MID1: variants seen among roughly 807,000 people sequenced by gnomAD.
MID1 encodes the protein E3 ubiquitin-protein ligase Midline-1.
A neutral mutation model predicts 40.4 loss-of-function variants in MID1; 7 were observed. The observed-to-expected ratio is 0.17, with a 90% confidence interval of 0.10 to 0.33. The LOEUF (loss-of-function observed/expected upper bound fraction) is 0.33, where lower values mean the gene tolerates loss of function less well. Among genes scored for constraint, MID1 ranks in the 10% least tolerant of loss-of-function variants. The pLI is 1.00. For missense variants in MID1, 367 were observed against 558.5 expected (o/e 0.66, Z 3.46); for synonymous variants, 229 against 221.2 (o/e 1.04, Z -0.31).
intron 1 of MID1, among the ~76,000 whole-genome samples, chrX:10,770,695 G>A (rs2043760196): frequency 8.9e-6 from 1 of 112,226 alleles, no homozygotes; most frequent in Non-Finnish European, 1.9e-5. Context: ...TGTTCCTTAT[G>A]AGGGAAATTA....
chrX:10,799,181 G>T (rs1471764313), intron 1 of MID1, among the ~76,000 whole-genome samples: 2 of 111,465 alleles, frequency 1.8e-5, no homozygotes, highest in African/African-American at 6.5e-5. Context: ...AATATTACTG[G>T]TACGTGGCTG....
At chrX:10,515,628 G>T (rs1330361601) in intron 3 of MID1, among the ~76,000 whole-genome samples, 1 of 112,517 alleles carries the variant, frequency 8.9e-6, no homozygotes, top group African/African-American at 3.2e-5. Context: ...TTGAAGTGAT[G>T]TTGGATTAGA....
intron 3 of MID1, among the ~76,000 whole-genome samples, chrX:10,522,737 C>A (rs943341825): frequency 8.9e-6 from 1 of 111,750 alleles, no homozygotes; most frequent in Non-Finnish European, 1.9e-5. Flanking sequence ...ACCTCGTGAT[C>A]TGCCTGCCTC....
At chrX:10,473,691 A>G in intron 6 of MID1, among the ~76,000 whole-genome samples, 1 of 112,547 alleles carries the variant, frequency 8.9e-6, no homozygotes, top group African/African-American at 3.2e-5. Context: ...TGAAGGCTGT[A>G]TGTCTTAAGT....
intron 1 of MID1, among the ~76,000 whole-genome samples, chrX:10,684,515 T>C (rs1188245513): frequency 2.8e-5 from 3 of 108,670 alleles, no homozygotes; most frequent in East Asian, 2.9e-4. Context: ...GTGATTCTCC[T>C]GCCTCAGCCT....
chrX:10,756,549 C>T (rs1430772946), intron 1 of MID1, among the ~76,000 whole-genome samples: 1 of 112,089 alleles, frequency 8.9e-6, no homozygotes, highest in Non-Finnish European at 1.9e-5. Context: ...CCTCACTTCA[C>T]AGACATTCCT....
At chrX:10,584,020 G>T (rs994581832) in intron 1 of MID1, among the ~76,000 whole-genome samples, 3 of 107,071 alleles carry the variant, frequency 2.8e-5, no homozygotes, top group Non-Finnish European at 5.8e-5. Flanking sequence ...GACAGACTGA[G>T]ACTCCATCTA....
Position 10,449,192 on chromosome X carries a change from TAATAC to T in MID1, c.*171_*175del, listed in dbSNP as rs1340467255. ...TAAAGAAATTATTAAAGCCCGTACT[TAATAC>T]AAGACACAGTAAAAGGAGAGGAATC... is the stretch of plus-strand genomic sequence containing the variant. On this transcript the variant is annotated 3_prime_UTR_variant, in exon 10 of 10. Transcript: ENST00000317552. 2 of 416,137 alleles carry T rather than the reference TAATAC, an allele frequency of 4.8e-6. No individual in the cohort carries two copies. Among genetic ancestry groups the T allele is most frequent in the African/African-American group, 5.0e-5 (2 of 40,336 alleles). 34.3% of individuals were successfully genotyped at this position (416,137 alleles called of 1,213,427 possible).
At position 10,469,825 on chromosome X, in the gene MID1, G is replaced by A. The variant is rs1265184704; in HGVS notation, c.1157C>T (p.Thr386Ile). The A allele has an allele frequency of 8.3e-7, 1 of 1,209,235 alleles. No homozygotes were observed. Reference sequence around the variant, plus strand: ...AGCTGTGCAGAGCTCTTCTCTAATTGTGGGAGGGTTGGGAGCTGTGGGGGT... The same window carrying A: ...AGCTGTGCAGAGCTCTTCTCTAATTATGGGAGGGTTGGGAGCTGTGGGGGT... ...LDYLTAPNPP[T>I]IREELCTASY... The change falls in exon 7 of 10, where the codon ACA becomes ATA. Residue 386 changes from threonine (T) to isoleucine (I), a missense_variant. Coordinates refer to ENST00000317552, the MANE Select transcript of MID1 (RefSeq NM_000381.4).
intron 1 of MID1, among the ~76,000 whole-genome samples, chrX:10,644,797 T>G (rs949688639): frequency 9.0e-6 from 1 of 111,550 alleles, no homozygotes; most frequent in African/African-American, 3.3e-5. Flanking sequence ...ATTACTCCTT[T>G]TCAAACTCAG....
At chrX:10,686,217 G>A (rs1038184599) in intron 1 of MID1, among the ~76,000 whole-genome samples, 2 of 111,414 alleles carry the variant, frequency 1.8e-5, no homozygotes, top group Admixed American at 9.6e-5. Context: ...GGGGAAGGGG[G>A]TTTGGTGTCA....
chrX:10,502,232 T>C (rs1931583274), intron 3 of MID1, among the ~76,000 whole-genome samples: 1 of 112,231 alleles, frequency 8.9e-6, no homozygotes, highest in Non-Finnish European at 1.9e-5. Flanking sequence ...ACAGGTGAAA[T>C]TGATCTAGCA....
At chrX:10,691,287 C>T (rs2043130183) in intron 1 of MID1, among the ~76,000 whole-genome samples, 1 of 111,564 alleles carries the variant, frequency 9.0e-6, no homozygotes, top group Non-Finnish European at 1.9e-5. Flanking sequence ...CCTGTAATCC[C>T]AGCACTTTGG....
At chrX:10,677,387 T>A (rs1418294757) in intron 1 of MID1, 1 of 112,256 alleles carries the variant, frequency 8.9e-6, no homozygotes, top group Admixed American at 9.5e-5. Flanking sequence ...AAGGCAAATA[T>A]CTTACATATA....
At chrX:10,812,356 A>T (rs755459378) in intron 1 of MID1, among the ~76,000 whole-genome samples, 11 of 111,872 alleles carry the variant, frequency 9.8e-5, no homozygotes, top group Middle Eastern at 9.2e-3. Context: ...TATTTAAGAC[A>T]GGTGGAAAGG....
intron 1 of MID1, among the ~76,000 whole-genome samples, chrX:10,606,454 C>A (rs1211881922): frequency 9.0e-6 from 1 of 111,112 alleles, no homozygotes; most frequent in Non-Finnish European, 1.9e-5. Context: ...TTTTCCTTTG[C>A]CTGTTTTGCA....
chrX:10,811,248 G>GA (rs1346631728), intron 1 of MID1, among the ~76,000 whole-genome samples: 48 of 112,178 alleles, frequency 4.3e-4, no homozygotes, highest in African/African-American at 1.5e-3. Context: ...CATAGTCCAT[G>GA]AAAAAATTAC....
chrX:10,803,021 T>C (rs2044019755), intron 1 of MID1, among the ~76,000 whole-genome samples: 1 of 110,523 alleles, frequency 9.0e-6, no homozygotes, highest in Non-Finnish European at 1.9e-5. Flanking sequence ...CCGGGTACTA[T>C]TATAGGGGAG....
chrX:10,474,866 T>C (rs1318791383), intron 5 of MID1, 116 bp from the exon 6 acceptor site: 1 of 747,411 alleles, frequency 1.3e-6, no homozygotes, highest in South Asian at 2.2e-5. Context: ...TTTTTACACA[T>C]GAGTTTTAAG....
Sources: allele counts gnomAD v4.1 joint callset (sites outside exome capture counted in the v4.1 genomes callset), GRCh38; gene constraint gnomAD v4.1.1; transcripts MANE v1.5; gene names NCBI Gene and HGNC (gene_info 2026-07-23, HGNC 2026-07-21).